CDH12: variants seen among roughly 807,000 people sequenced by gnomAD.
The protein encoded by CDH12 is cadherin 12.
A neutral mutation model predicts 74.1 loss-of-function variants in CDH12; 41 were observed. The ratio of observed to expected loss-of-function variants is 0.55; its 90% confidence interval spans 0.43 to 0.72. CDH12 has a LOEUF of 0.72. CDH12 is among the 30% of genes least tolerant of loss of function. CDH12 has a pLI of 0.00. For missense variants in CDH12, 945 were observed against 977.2 expected (o/e 0.97, Z 0.44); for synonymous variants, 399 against 355.0 (o/e 1.12, Z -1.39).
chr5:22,272,752 G>A lies in CDH12; in HGVS notation c.-332-60109C>T, dbSNP rs114670753. Reference sequence around the variant, plus strand: ...TGATTGGTGGAGCAGTCAGAATGATGCACAACATTGATCTAAATGTGACAC... The same window carrying A: ...TGATTGGTGGAGCAGTCAGAATGATACACAACATTGATCTAAATGTGACAC... On this transcript the variant is annotated intron_variant, in intron 3 of 14. Coordinates refer to ENST00000382254, the MANE Select transcript of CDH12 (RefSeq NM_004061.5). Among the ~76,000 whole-genome samples, 1,398 of 152,240 alleles carry A rather than the reference G, an allele frequency of 9.2e-3. 10 individuals carry two copies. Among genetic ancestry groups the A allele is most frequent in the Non-Finnish European group, 0.013 (895 of 68,014 alleles).
intron 2 of CDH12, among the ~76,000 whole-genome samples, chr5:22,422,368 C>T (rs912567761): frequency 2.0e-5 from 3 of 151,762 alleles, no homozygotes; most frequent in Non-Finnish European, 2.9e-5. Context: ...TTCTTTAGTT[C>T]TGTTTATATT....
chr5:22,246,601 A>T (rs574770518), intron 3 of CDH12, among the ~76,000 whole-genome samples: 3 of 152,152 alleles, frequency 2.0e-5, no homozygotes, highest in Non-Finnish European at 4.4e-5. Context: ...AAACAAAGAA[A>T]TTCTAAAGAT....
chr5:22,805,046 T>C (rs1259672133), intron 1 of CDH12, among the ~76,000 whole-genome samples: 3 of 152,194 alleles, frequency 2.0e-5, no homozygotes, highest in Admixed American at 6.5e-5. Flanking sequence ...CTGGTGGGAA[T>C]GTAAAATGCT....
In CDH12 at chr5:21,948,115, A is replaced by C. The variant is rs183938136; in HGVS notation, c.526+26976T>G. On this transcript the variant is annotated intron_variant, in intron 6 of 14. Transcript: ENST00000382254. ...GATTGGCTGCAGGGGTGGAGCCATC[A>C]TGGAGAACCTCTGCTAGGGTAGTGC... is the stretch of plus-strand genomic sequence containing the variant. 3.6e-3 allele frequency among the ~76,000 whole-genome samples: 546 copies of C among 152,308 alleles called. 4 individuals carry two copies. The highest frequency in any genetic ancestry group is 0.012 in the African/African-American group (511 of 41,582).
intron 5 of CDH12, among the ~76,000 whole-genome samples, chr5:22,054,002 A>C (rs374494202): frequency 2.6e-5 from 4 of 152,208 alleles, no homozygotes. Context: ...TAATCAAGTT[A>C]GGCTAGAAGT....
intron 1 of CDH12, among the ~76,000 whole-genome samples, chr5:22,762,892 C>T (rs931720308): frequency 1.3e-5 from 2 of 151,906 alleles, no homozygotes; most frequent in Non-Finnish European, 2.9e-5. Context: ...TTCTAAACTG[C>T]GATGTCATGA....
rs557674521 is a variant in CDH12 at position 22,652,887 on chromosome 5, G to A, written c.-522-147523C>T. ...AGAAGCCTCTCTATGTGAAAGCATTGAGACTGGTTATTTCATGGTAGAAGA... is the reference window on the plus strand; with the variant it reads ...AGAAGCCTCTCTATGTGAAAGCATTAAGACTGGTTATTTCATGGTAGAAGA... On this transcript the variant is annotated intron_variant, in intron 1 of 14. Coordinates refer to ENST00000382254, the MANE Select transcript of CDH12 (RefSeq NM_004061.5). Among the ~76,000 whole-genome samples, 10 of 152,224 alleles carry A rather than the reference G, an allele frequency of 6.6e-5. No homozygotes were observed. The South Asian group carries it at 1.9e-3, about 28-fold the overall frequency.
At chr5:22,529,693 T>C (rs918524631) in intron 1 of CDH12, among the ~76,000 whole-genome samples, 4 of 152,178 alleles carry the variant, frequency 2.6e-5, no homozygotes, top group Non-Finnish European at 5.9e-5. Context: ...GTGGCCCAGT[T>C]GAGTTAACAC....
chr5:22,646,712 TAGTG>T (rs1206296996), intron 1 of CDH12, among the ~76,000 whole-genome samples: 29 of 151,940 alleles, frequency 1.9e-4, no homozygotes, highest in African/African-American at 6.5e-4. Context: ...CAGGAACAAT[TAGTG>T]AGAAGAATGC....
intron 1 of CDH12, among the ~76,000 whole-genome samples, chr5:22,805,070 A>G (rs1303730331): frequency 6.6e-6 from 1 of 152,190 alleles, no homozygotes; most frequent in Non-Finnish European, 1.5e-5. Context: ...ATGATTTTGG[A>G]AAACAATTTA....
intron 5 of CDH12, among the ~76,000 whole-genome samples, chr5:22,059,514 A>G (rs1199368633): frequency 1.3e-5 from 2 of 152,152 alleles, no homozygotes; most frequent in Non-Finnish European, 1.5e-5. Flanking sequence ...AGAAAATTCC[A>G]TTGCTCCAAT....
chr5:21,877,947 A>G (rs185018535), intron 6 of CDH12, among the ~76,000 whole-genome samples: 8 of 152,366 alleles, frequency 5.3e-5, no homozygotes, highest in African/African-American at 1.7e-4. Flanking sequence ...ATAGCAGTTC[A>G]CATTATCTGA....
At chr5:22,396,316 C>G (rs1742456605) in intron 3 of CDH12, among the ~76,000 whole-genome samples, 1 of 152,040 alleles carries the variant, frequency 6.6e-6, no homozygotes, top group Admixed American at 6.6e-5. Context: ...CTGGCTGAAT[C>G]AAAATTTCTC....
chr5:22,421,631 A>C (rs1168664525), intron 2 of CDH12, among the ~76,000 whole-genome samples: 1 of 152,176 alleles, frequency 6.6e-6, no homozygotes, highest in Admixed American at 6.5e-5. Flanking sequence ...TATTGTGAAC[A>C]GTGCTGCAAT....
intron 13 of CDH12, among the ~76,000 whole-genome samples, chr5:21,757,624 C>CAAAA (rs1288855171): frequency 2.2e-4 from 33 of 152,086 alleles, no homozygotes; most frequent in Non-Finnish European, 4.1e-4. Context: ...TAAATGGCAC[C>CAAAA]TGAAATTTTG....
chr5:22,054,438 C>T (rs936743858), intron 5 of CDH12, among the ~76,000 whole-genome samples: 1 of 151,982 alleles, frequency 6.6e-6, no homozygotes, highest in African/African-American at 2.4e-5. Context: ...TCTAAGAAGA[C>T]TAGAATCTAC....
At chr5:22,306,280 T>C (rs1738108454) in intron 3 of CDH12, among the ~76,000 whole-genome samples, 1 of 151,820 alleles carries the variant, frequency 6.6e-6, no homozygotes, top group African/African-American at 2.4e-5. Context: ...ACAATTCTAG[T>C]GAAGTGCCTG....
At chr5:22,618,358 C>T (rs531719451) in intron 1 of CDH12, among the ~76,000 whole-genome samples, 2 of 152,184 alleles carry the variant, frequency 1.3e-5, no homozygotes, top group Admixed American at 1.3e-4. Context: ...CCTCTAGGAT[C>T]AACATTACAA....
chr5:21,789,529 A>C (rs965952973), intron 10 of CDH12, among the ~76,000 whole-genome samples: 1 of 152,150 alleles, frequency 6.6e-6, no homozygotes, highest in Non-Finnish European at 1.5e-5. Context: ...TTTTTTAAAG[A>C]AACAAATGTC....
Sources: allele counts gnomAD v4.1 joint callset (sites outside exome capture counted in the v4.1 genomes callset), GRCh38; gene constraint gnomAD v4.1.1; transcripts MANE v1.5; gene names NCBI Gene and HGNC (gene_info 2026-07-23, HGNC 2026-07-21).